Variants in TRIM24 observed in about 807,000 individuals in gnomAD.
TRIM24 encodes tripartite motif containing 24.
A neutral mutation model predicts 123.9 loss-of-function variants in TRIM24; 29 were observed. The ratio of observed to expected loss-of-function variants is 0.23; its 90% CI spans 0.17 to 0.32. The LOEUF (loss-of-function observed/expected upper bound fraction) is 0.32, where lower values mean the gene tolerates loss of function less well. Ranked by LOEUF, TRIM24 falls within the 10% of genes least tolerant of loss-of-function variation. TRIM24 has a pLI of 1.00. For missense variants in TRIM24, 932 were observed against 1,295.3 expected, an observed-to-expected ratio of 0.72 and a Z score of 4.31; for synonymous variants, 456 against 461.1, an observed-to-expected ratio of 0.99 and a Z score of 0.14.
intron 14 of TRIM24, 117 bp downstream of exon 14, chr7:138,577,705 T>C (rs1436900144): frequency 1.2e-6 from 1 of 848,572 alleles, no homozygotes; most frequent in African/African-American, 1.8e-5. Context: ...TTAAAGACAA[T>C]TTGAGGGAAT....
intron 7 of TRIM24, among the ~76,000 whole-genome samples, chr7:138,540,395 T>C (rs1370763091): frequency 6.6e-6 from 1 of 152,244 alleles, no homozygotes; most frequent in African/African-American, 2.4e-5. Flanking sequence ...CCTAAGTTTA[T>C]GGAATATTCT....
rs1442069248 is a variant in TRIM24 at position 138,529,188 on chromosome 7, A to G, written c.954A>G (p.Val318=). 3.8e-6 allele frequency: 6 copies of G among 1,576,666 alleles called. No homozygotes were observed. Among genetic ancestry groups the G allele is most frequent in the Non-Finnish European group, 5.2e-6 (6 of 1,164,766 alleles). ...DIKVAIFTLM[V]EINKKGKALL... The stretch of plus-strand genomic sequence containing the variant: ...AAGTTGCTATATTTACACTGATGGT[A>G]GAAATAAATAAAAAAGGAAAAGCTC... The change falls in exon 6 of 19, where the codon GTA becomes GTG. Residue 318 remains valine (V), a synonymous_variant. Coordinates refer to ENST00000343526, the MANE Select transcript of TRIM24 (RefSeq NM_015905.3).
intron 8 of TRIM24, among the ~76,000 whole-genome samples, chr7:138,553,736 T>G (rs1362677226): frequency 6.6e-6 from 1 of 152,186 alleles, no homozygotes; most frequent in Non-Finnish European, 1.5e-5. Context: ...TGTTTTGATA[T>G]ATGACAGCAG....
At chr7:138,575,748 T>C (rs1032110920) in intron 12 of TRIM24, among the ~76,000 whole-genome samples, 5 of 152,126 alleles carry the variant, frequency 3.3e-5, no homozygotes, top group African/African-American at 1.2e-4. Context: ...AATTAGATCT[T>C]CCTTGTTCCA....
chr7:138,553,663 G>A (rs1797257772), intron 8 of TRIM24, among the ~76,000 whole-genome samples: 1 of 152,148 alleles, frequency 6.6e-6, no homozygotes, highest in African/African-American at 2.4e-5. Flanking sequence ...ATCACAACTT[G>A]TTAATAGTAA....
intron 1 of TRIM24, among the ~76,000 whole-genome samples, chr7:138,484,986 C>T (rs1482187151): frequency 6.6e-6 from 1 of 151,560 alleles, no homozygotes; most frequent in Non-Finnish European, 1.5e-5. Flanking sequence ...TGATAATAAC[C>T]TCTTGGTAAT....
At chr7:138,466,851 A>C (rs895545281) in intron 1 of TRIM24, among the ~76,000 whole-genome samples, 2 of 152,096 alleles carry the variant, frequency 1.3e-5, no homozygotes, top group Non-Finnish European at 2.9e-5. Context: ...TTTGTGTCCT[A>C]TCTAACAATT....
Position 138,504,335 on chromosome 7 carries a change from G to C in TRIM24, c.410G>C (p.Arg137Thr), listed in dbSNP as rs766906000. 3 of 1,601,368 alleles carry C rather than the reference G, an allele frequency of 1.9e-6. No homozygotes were observed. Among genetic ancestry groups the C allele is most frequent in the Non-Finnish European group, 1.7e-6 (2 of 1,175,068 alleles). Residue 137 changes from arginine (R) to threonine (T), a missense_variant, in exon 2 of 19, where the codon AGA becomes ACA. Arg to Thr is a moderately conservative substitution (Grantham distance 71). Around this residue, in one of 7 missense-constraint regions of TRIM24, gnomAD observed 74 missense variants for 163.6 expected, o/e 0.45. Coordinates refer to ENST00000343526, the MANE Select transcript of TRIM24 (RefSeq NM_015905.3). ...GTTTGCAGCCAAGAATGTGCAGAGAGACACATCATAGATAACTTTTTTGTG... is the reference window on the plus strand; with the variant it reads ...GTTTGCAGCCAAGAATGTGCAGAGACACACATCATAGATAACTTTTTTGTG... ...CPVCSQECAE[R>T]HIIDNFFVKD...
intron 5 of TRIM24, among the ~76,000 whole-genome samples, chr7:138,526,700 C>G (rs1168784831): frequency 6.6e-6 from 1 of 152,170 alleles, no homozygotes; most frequent in Admixed American, 6.5e-5. Flanking sequence ...CGTGAGCCAC[C>G]ATACCTGGCC....
At chr7:138,578,172 A>T (rs1325623598) in intron 14 of TRIM24, among the ~76,000 whole-genome samples, 1 of 152,120 alleles carries the variant, frequency 6.6e-6, no homozygotes, top group East Asian at 1.9e-4. Context: ...CTAGAAAGAT[A>T]AGCAACTGAA....
chr7:138,547,288 T>A (rs928644062), intron 7 of TRIM24, among the ~76,000 whole-genome samples: 2 of 152,162 alleles, frequency 1.3e-5, no homozygotes, highest in African/African-American at 4.8e-5. Flanking sequence ...AAAATTTCAA[T>A]TAGATAGGAG....
intron 10 of TRIM24, 76 bp from the exon 11 acceptor site, chr7:138,570,754 T>C (rs1475864489): frequency 2.7e-6 from 4 of 1,483,224 alleles, no homozygotes; most frequent in Non-Finnish European, 1.8e-6. Context: ...TACTTCATTT[T>C]GTGTGAGTGA....
At chr7:138,552,021 T>C (rs200979957) in intron 8 of TRIM24, among the ~76,000 whole-genome samples, 1 of 152,184 alleles carries the variant, frequency 6.6e-6, no homozygotes, top group East Asian at 1.9e-4. Context: ...CTATGACTTA[T>C]AAATACAGTT....
intron 1 of TRIM24, among the ~76,000 whole-genome samples, chr7:138,463,192 T>C (rs1226803130): frequency 6.6e-6 from 1 of 151,394 alleles, no homozygotes; most frequent in Non-Finnish European, 1.5e-5. Context: ...ACCTGGCCTG[T>C]TCTTATTTCT....
intron 1 of TRIM24, among the ~76,000 whole-genome samples, chr7:138,494,738 T>A (rs1680872721): frequency 6.6e-6 from 1 of 152,172 alleles, no homozygotes; most frequent in African/African-American, 2.4e-5. Flanking sequence ...AACTGGATAT[T>A]GTTATACATT....
intron 2 of TRIM24, among the ~76,000 whole-genome samples, chr7:138,508,686 T>TGCGCGCGCGCGTGCAC (rs1168887347): frequency 4.7e-5 from 4 of 85,948 alleles, no homozygotes; most frequent in African/African-American, 2.1e-4. Flanking sequence ...TGTGTGTGTG[T>TGCGCGCGCGCGTGCAC]GTGTGTGCGC....
chr7:138,476,250 G>T (rs1348626493), intron 1 of TRIM24, among the ~76,000 whole-genome samples: 2 of 152,128 alleles, frequency 1.3e-5, no homozygotes, highest in African/African-American at 2.4e-5. Flanking sequence ...TTGTAAATGC[G>T]CATGGGATGC....
intron 2 of TRIM24, among the ~76,000 whole-genome samples, chr7:138,509,929 G>T (rs1378493482): frequency 6.6e-6 from 1 of 152,178 alleles, no homozygotes; most frequent in Admixed American, 6.5e-5. Context: ...ATCTTGGCTG[G>T]TGATGGGGTC....
Position 138,579,367 on chromosome 7 carries a change from C to T in TRIM24, c.2420C>T (p.Pro807Leu), listed in dbSNP as rs368956956. 5.6e-6 allele frequency: 9 copies of T among 1,613,990 alleles called. No individual in the cohort carries two copies. Among genetic ancestry groups the T allele is most frequent in the Non-Finnish European group, 7.6e-6 (9 of 1,180,014 alleles). ...AATGGAAAGTCTGAATGGTTGGATCCTTCCCAGAAGTCACCTCTTCATGTT... is the reference window on the plus strand; with the variant it reads ...AATGGAAAGTCTGAATGGTTGGATCTTTCCCAGAAGTCACCTCTTCATGTT... The part of the protein sequence containing the change: ...SSNGKSEWLD[P>L]SQKSPLHVGE... The change falls in exon 15 of 19, where the codon CCT becomes CTT. Residue 807 changes from proline to leucine, a missense_variant. By Grantham distance (98) the Pro-to-Leu change is moderately conservative (BLOSUM62 -3). Transcript: ENST00000343526.
Sources: gnomAD v4.1 joint callset for allele counts (sites outside exome capture counted in the v4.1 genomes callset) on GRCh38, gnomAD v4.1.1 for gene constraint, gnomAD v4.1.1 regional missense constraint, MANE v1.5 for transcripts, NCBI Gene and HGNC (gene_info 2026-07-23, HGNC 2026-07-21) for gene names.